The following PTPRD variants were observed in gnomAD, a reference collection of about 807,000 sequenced individuals.
PTPRD encodes the protein protein tyrosine phosphatase receptor type D, also known as receptor-type tyrosine-protein phosphatase delta.
Under a neutral mutation model 214.5 loss-of-function variants are expected in PTPRD, and 34 were observed. That is an observed-to-expected ratio of 0.16 (90% CI 0.12 to 0.21). The LOEUF (loss-of-function observed/expected upper bound fraction) is 0.21. PTPRD is among the 10% of genes least tolerant of loss of function. PTPRD has a pLI of 1.00. For missense variants in PTPRD, 2,545 were observed against 2,398.7 expected, an observed-to-expected ratio of 1.06 and a Z score of -1.27; for synonymous variants, 1,128 against 845.7, an observed-to-expected ratio of 1.33 and a Z score of -5.79.
chr9:9,853,492 T>C (rs1198370849), intron 5 of PTPRD, among the ~76,000 whole-genome samples: 1 of 152,178 alleles, frequency 6.6e-6, no homozygotes, highest in Non-Finnish European at 1.5e-5. Context: ...TTCTTAGTGG[T>C]AGTGGCTTAT....
chr9:10,054,986 G>C (rs62541073), intron 3 of PTPRD, among the ~76,000 whole-genome samples: 1 of 150,888 alleles, frequency 6.6e-6, no homozygotes, highest in South Asian at 2.1e-4. Flanking sequence ...CATATTAAAA[G>C]AAAGAAAAAA....
chr9:10,590,796 A>C (rs1370823597), intron 2 of PTPRD, among the ~76,000 whole-genome samples: 1 of 151,932 alleles, frequency 6.6e-6, no homozygotes, highest in East Asian at 1.9e-4. Context: ...ATGTAAAACA[A>C]AAACCCATTC....
At chr9:9,926,647 A>G (rs917900534) in intron 5 of PTPRD, among the ~76,000 whole-genome samples, 1 of 152,170 alleles carries the variant, frequency 6.6e-6, no homozygotes, top group Non-Finnish European at 1.5e-5. Flanking sequence ...TCAAATATAT[A>G]TGACTTATTG....
chr9:10,400,965 A>G (rs755789360), intron 2 of PTPRD, among the ~76,000 whole-genome samples: 7 of 151,578 alleles, frequency 4.6e-5, no homozygotes, highest in Non-Finnish European at 8.9e-5. Context: ...ATTCATTACA[A>G]CTACAATTAT....
At chr9:10,467,146 C>G (rs1331916755) in intron 2 of PTPRD, among the ~76,000 whole-genome samples, 1 of 152,124 alleles carries the variant, frequency 6.6e-6, no homozygotes, top group Non-Finnish European at 1.5e-5. Flanking sequence ...TCTAGTCTAT[C>G]AATGTTAACA....
intron 33 of PTPRD, among the ~76,000 whole-genome samples, chr9:8,457,981 G>C (rs2096265225): frequency 6.6e-6 from 1 of 152,012 alleles, no homozygotes; most frequent in African/African-American, 2.4e-5. Flanking sequence ...TAATCAAGAA[G>C]GACATTGTTG....
At chr9:10,280,873 C>G (rs936087618) in intron 3 of PTPRD, among the ~76,000 whole-genome samples, 1 of 152,046 alleles carries the variant, frequency 6.6e-6, no homozygotes, top group Admixed American at 6.6e-5. Flanking sequence ...CCTAGGCCTC[C>G]CAAGGTGCTA....
At chr9:10,484,050 G>C (rs2099117067) in intron 2 of PTPRD, among the ~76,000 whole-genome samples, 1 of 151,994 alleles carries the variant, frequency 6.6e-6, no homozygotes, top group African/African-American at 2.4e-5. Context: ...AATGAATATA[G>C]AAAATGCGGT....
At chr9:8,801,695 G>A (rs955512179) in intron 11 of PTPRD, among the ~76,000 whole-genome samples, 4 of 152,140 alleles carry the variant, frequency 2.6e-5, no homozygotes, top group Non-Finnish European at 5.9e-5. Context: ...CAGCCTGGGC[G>A]ACAGAGCAAG....
At chr9:8,654,776 T>C (rs189512648) in intron 12 of PTPRD, among the ~76,000 whole-genome samples, 1 of 152,198 alleles carries the variant, frequency 6.6e-6, no homozygotes, top group East Asian at 1.9e-4. Flanking sequence ...CAGTAATTGG[T>C]TTCCCTTCCT....
At chr9:9,986,911 A>G (rs1206794914) in intron 4 of PTPRD, among the ~76,000 whole-genome samples, 1 of 151,458 alleles carries the variant, frequency 6.6e-6, no homozygotes, top group African/African-American at 2.4e-5. Flanking sequence ...TTTTTACTGT[A>G]ATTAAAAGAT....
chr9:8,577,252 T>A (rs988277728), intron 14 of PTPRD, among the ~76,000 whole-genome samples: 1 of 150,256 alleles, frequency 6.7e-6, no homozygotes, highest in Non-Finnish European at 1.5e-5. Flanking sequence ...TGTTTGTTTG[T>A]TTATTTATTT....
At chr9:9,605,180 T>G (rs949306353) in intron 7 of PTPRD, among the ~76,000 whole-genome samples, 1 of 152,132 alleles carries the variant, frequency 6.6e-6, no homozygotes, top group Non-Finnish European at 1.5e-5. Context: ...ATGGCAATTC[T>G]GCATTAGACA....
At chr9:9,706,278 A>G (rs1453001486) in intron 7 of PTPRD, among the ~76,000 whole-genome samples, 2 of 152,132 alleles carry the variant, frequency 1.3e-5, no homozygotes, top group Non-Finnish European at 2.9e-5. Context: ...ATTCTCCTAA[A>G]CAATTATTCT....
intron 5 of PTPRD, among the ~76,000 whole-genome samples, chr9:9,775,382 G>A (rs983198119): frequency 2.0e-5 from 3 of 152,126 alleles, no homozygotes; most frequent in Admixed American, 6.5e-5. Context: ...TTCTTGTTTA[G>A]TCAGAATCTC....
intron 8 of PTPRD, among the ~76,000 whole-genome samples, chr9:9,430,083 ATT>A (rs1371853631): frequency 6.6e-6 from 1 of 152,206 alleles, no homozygotes; most frequent in Non-Finnish European, 1.5e-5. Context: ...GATAAAGGGT[ATT>A]CACTTAGGAA....
chr9:9,603,122 A>T (rs10977865), intron 7 of PTPRD, among the ~76,000 whole-genome samples: 73,150 of 151,968 alleles, frequency 0.48, 18,240 homozygotes, highest in African/African-American at 0.52. Flanking sequence ...AGAAGGAAAT[A>T]AGAATGGGCA....
chr9:10,206,991 G>T (rs1165996216), intron 3 of PTPRD, among the ~76,000 whole-genome samples: 4 of 152,048 alleles, frequency 2.6e-5, no homozygotes, highest in Non-Finnish European at 5.9e-5. Flanking sequence ...TAAAACTGAG[G>T]TCAAATGTAT....
chr9:9,470,648 G>A (rs2094523793), intron 8 of PTPRD, among the ~76,000 whole-genome samples: 1 of 152,060 alleles, frequency 6.6e-6, no homozygotes, highest in Admixed American at 6.6e-5. Context: ...TGAAGTATAT[G>A]GTACCAAACT....
Sources: allele counts gnomAD v4.1 joint callset (sites outside exome capture counted in the v4.1 genomes callset), GRCh38; gene constraint gnomAD v4.1.1; transcripts MANE v1.5; gene names NCBI Gene and HGNC (gene_info 2026-07-23, HGNC 2026-07-21).